Variants in NPSR1 observed in about 807,000 individuals in gnomAD.
NPSR1 encodes neuropeptide S receptor.
Under a neutral mutation model 46.9 loss-of-function variants are expected in NPSR1, and 48 were observed. That is an observed-to-expected ratio of 1.02 (90% confidence interval 0.81 to 1.30). The LOEUF is 1.30. Ranked by LOEUF, NPSR1 falls within the 50% of genes most tolerant of loss-of-function variation. NPSR1 has a pLI of 0.00. For synonymous variants in NPSR1, 176 were observed against 168.1 expected (o/e 1.05, Z -0.36); for missense variants, 450 against 449.5 (o/e 1.00, Z -0.01).
intron 2 of NPSR1, among the ~76,000 whole-genome samples, chr7:34,756,577 G>T (rs1023092552): frequency 1.3e-5 from 2 of 152,136 alleles, no homozygotes; most frequent in African/African-American, 4.8e-5. Context: ...GAGCAAACAG[G>T]CATGGCTGTG....
chr7:34,816,237 G>A (rs1213747509), intron 4 of NPSR1, among the ~76,000 whole-genome samples: 22 of 126,962 alleles, frequency 1.7e-4, no homozygotes, highest in African/African-American at 9.2e-5. Context: ...CCAAGAAAAT[G>A]GAAAGCAAAA....
chr7:34,874,791 G>GA (rs145603093), intron 8 of NPSR1, among the ~76,000 whole-genome samples: 2,675 of 152,214 alleles, frequency 0.018, 87 homozygotes, highest in African/African-American at 0.061. Flanking sequence ...GGTCCCATGT[G>GA]AGTACCAAGT....
rs1197975827 is a variant in NPSR1 at position 34,834,475 on chromosome 7, T to G, written c.757+15T>G. On this transcript the variant is annotated intron_variant, in intron 6 of 8. Coordinates refer to ENST00000360581, the MANE Select transcript of NPSR1 (RefSeq NM_207172.2). ...CAACTGCTCAGGTAAGTCTCTACTC[T>G]GCATGGCCCAATTCTTGGCTAATTT... 6.3e-7 allele frequency: 1 copy of G among 1,576,242 alleles called. No homozygotes were observed. The highest frequency in any genetic ancestry group is 1.3e-5 in the African/African-American group (1 of 74,074).
intron 2 of NPSR1, among the ~76,000 whole-genome samples, chr7:34,718,473 C>T (rs1487788820): frequency 6.6e-6 from 1 of 152,190 alleles, no homozygotes; most frequent in Non-Finnish European, 1.5e-5. Flanking sequence ...GAGGCCCTGA[C>T]CCTACTCAAA....
At chr7:34,771,835 A>G (rs1786699719) in intron 2 of NPSR1, among the ~76,000 whole-genome samples, 1 of 152,164 alleles carries the variant, frequency 6.6e-6, no homozygotes, top group African/African-American at 2.4e-5. Flanking sequence ...TTGTGAGATT[A>G]AACAAGTTAA....
At chr7:34,749,386 A>G (rs1182027398) in intron 2 of NPSR1, among the ~76,000 whole-genome samples, 1 of 152,202 alleles carries the variant, frequency 6.6e-6, no homozygotes, top group Non-Finnish European at 1.5e-5. Context: ...GGAAGTGAGG[A>G]GAGGTAAAGG....
At chr7:34,742,245 G>C (rs926938528) in intron 2 of NPSR1, among the ~76,000 whole-genome samples, 9 of 151,018 alleles carry the variant, frequency 6.0e-5, no homozygotes, top group Non-Finnish European at 1.0e-4. Context: ...AGGGTTTGTT[G>C]TATAGATTAT....
chr7:34,673,733 C>G (rs35042219), intron 1 of NPSR1, among the ~76,000 whole-genome samples: 42 of 152,266 alleles, frequency 2.8e-4, no homozygotes, highest in Non-Finnish European at 4.4e-4. Flanking sequence ...ATATGAGAAG[C>G]CTTACAAAGG....
intron 4 of NPSR1, among the ~76,000 whole-genome samples, chr7:34,817,602 G>A (rs1443369238): frequency 1.6e-5 from 2 of 127,804 alleles, no homozygotes; most frequent in Non-Finnish European, 3.3e-5. Flanking sequence ...AAGCCTGGCA[G>A]AGACAAAACA....
rs1156295452 is a variant in NPSR1, at chr7:34,792,686, TATGTATATATATAC to T, written c.384+14122_384+14135del. On this transcript the variant is annotated intron_variant, in intron 3 of 8. Coordinates refer to ENST00000360581, the MANE Select transcript of NPSR1 (RefSeq NM_207172.2). ...ATATTTATATATATGTATATATATA[TATGTATATATATAC>T]GTATATATATATATTTATATATATA... Among the ~76,000 whole-genome samples the T allele has an allele frequency of 3.2e-4, 38 of 119,124 alleles. 1 individual carries two copies. The highest frequency in any genetic ancestry group is 2.2e-3 in the South Asian group (9 of 4,070). 78.1% of individuals were successfully genotyped at this position (119,124 alleles called of 152,430 possible).
chr7:34,747,623 T>TAC (rs931582778), intron 2 of NPSR1, among the ~76,000 whole-genome samples: 31 of 109,520 alleles, frequency 2.8e-4, no homozygotes, highest in East Asian at 7.2e-4. Flanking sequence ...CACACACACA[T>TAC]ACACACACAC....
At chr7:34,665,211 A>G (rs2530566) in intron 1 of NPSR1, among the ~76,000 whole-genome samples, 84,151 of 152,022 alleles carry the variant, frequency 0.55, 24,832 homozygotes, top group African/African-American at 0.76. Flanking sequence ...AATCTCCGTG[A>G]TTTAACACAC....
chr7:34,771,921 T>C (rs748995912), intron 2 of NPSR1, among the ~76,000 whole-genome samples: 1 of 152,234 alleles, frequency 6.6e-6, no homozygotes, highest in Non-Finnish European at 1.5e-5. Flanking sequence ...TTCTGTGTTC[T>C]AGAGAAGTCA....
At position 34,825,608 on chromosome 7, in the gene NPSR1, G is replaced by A. The variant is rs573972039; in HGVS notation, c.479-1793G>A. On this transcript the variant is annotated intron_variant, in intron 4 of 8. Coordinates refer to ENST00000360581, the MANE Select transcript of NPSR1 (RefSeq NM_207172.2). The stretch of plus-strand genomic sequence containing the variant: ...TGCCAGAGAAAGAGGCCTCCCTGAA[G>A]GTCACCAGGGAGGGTGGAAGGTCAC... Among the ~76,000 whole-genome samples the A allele has an allele frequency of 3.3e-5, 5 of 152,252 alleles. No individual in the cohort carries two copies. The East Asian group carries it at 9.7e-4, about 29-fold the overall frequency.
chr7:34,772,899 G>A (rs759160003), intron 2 of NPSR1, among the ~76,000 whole-genome samples: 2 of 152,086 alleles, frequency 1.3e-5, no homozygotes, highest in Non-Finnish European at 2.9e-5. Flanking sequence ...TGCCAAGATG[G>A]TGACTCCTCT....
chr7:34,753,189 T>G (rs914431123), intron 2 of NPSR1, among the ~76,000 whole-genome samples: 1 of 152,120 alleles, frequency 6.6e-6, no homozygotes, highest in Non-Finnish European at 1.5e-5. Context: ...GAGCTTGTAT[T>G]GGGCCTTAGA....
At chr7:34,834,330 C>A in intron 5 of NPSR1, 54 bp from the exon 6 acceptor site, 1 of 1,386,136 alleles carries the variant, frequency 7.2e-7, no homozygotes, top group Non-Finnish European at 1.0e-6. Flanking sequence ...TCTCTGTGTC[C>A]TCACAGTAGG....
At chr7:34,696,896 A>G (rs1793559373) in intron 2 of NPSR1, among the ~76,000 whole-genome samples, 1 of 152,046 alleles carries the variant, frequency 6.6e-6, no homozygotes, top group African/African-American at 2.4e-5. Context: ...ATGAAATGAT[A>G]AGACTAAGTA....
intron 2 of NPSR1, among the ~76,000 whole-genome samples, chr7:34,734,382 C>T (rs1199476791): frequency 1.3e-5 from 2 of 152,116 alleles, no homozygotes; most frequent in African/African-American, 4.8e-5. Context: ...TTTTAGAAAA[C>T]AGATGATGAC....
Sources: allele counts gnomAD v4.1 joint callset (sites outside exome capture counted in the v4.1 genomes callset), GRCh38; gene constraint gnomAD v4.1.1; transcripts MANE v1.5; gene names NCBI Gene and HGNC (gene_info 2026-07-23, HGNC 2026-07-21).